DAB2: variants seen among roughly 807,000 people sequenced by gnomAD.
DAB2 encodes disabled homolog 2.
A neutral mutation model predicts 71.6 loss-of-function variants in DAB2; 28 were observed. The observed-to-expected ratio is 0.39, with a 90% CI of 0.29 to 0.54. The LOEUF (loss-of-function observed/expected upper bound fraction) is 0.54, where lower values mean the gene tolerates loss of function less well. Among genes scored for constraint, DAB2 ranks in the 20% least tolerant of loss-of-function variants. The pLI is 0.68. For missense variants in DAB2, 867 were observed against 928.8 expected (o/e 0.93, Z 0.86); for synonymous variants, 345 against 339.7 (o/e 1.02, Z -0.17).
intron 1 of DAB2, among the ~76,000 whole-genome samples, chr5:39,413,298 G>T (rs980785507): frequency 6.6e-6 from 1 of 152,112 alleles, no homozygotes; most frequent in Non-Finnish European, 1.5e-5. Context: ...TTAGATTCAA[G>T]GTTATCCCAT....
Position 39,376,147 on chromosome 5 carries a change from C to T in DAB2, c.2138-41G>A, listed in dbSNP as rs835705. On this transcript the variant is annotated intron_variant, in intron 12 of 14. Transcript: ENST00000320816. Reference sequence around the variant, plus strand: ...TCCAGGCAATCAGTAGACAAGCTTTCCCCAAATATAGGCCAGTCCCCGAGT... The same window carrying T: ...TCCAGGCAATCAGTAGACAAGCTTTTCCCAAATATAGGCCAGTCCCCGAGT... 4.1e-3 allele frequency: 6,167 copies of T among 1,499,042 alleles called. 382 individuals are homozygous for T. The East Asian group carries it at 0.12, about 29-fold the overall frequency. The allele number at this position is 1,499,042 out of a possible 1,614,324, so 92.9% of individuals were successfully genotyped here. A position where few individuals can be genotyped will look rare whatever the true frequency, so the allele number is the denominator to read the frequency against.
At chr5:39,420,607 G>C (rs565952247) in intron 1 of DAB2, among the ~76,000 whole-genome samples, 2 of 152,242 alleles carry the variant, frequency 1.3e-5, no homozygotes, top group South Asian at 4.1e-4. Flanking sequence ...AACTTGCCAG[G>C]CTGCTTCTAT....
chr5:39,418,980 C>T (rs1427358240), intron 1 of DAB2, among the ~76,000 whole-genome samples: 1 of 152,212 alleles, frequency 6.6e-6, no homozygotes, highest in Non-Finnish European at 1.5e-5. Flanking sequence ...GCTGTGGGCA[C>T]AGTCATTTGC....
chr5:39,393,173 A>G, intron 3 of DAB2, 81 bp downstream of exon 3: 2 of 1,407,730 alleles, frequency 1.4e-6, no homozygotes, highest in Non-Finnish European at 2.0e-6. Context: ...ATTGAACAAT[A>G]GGTCAACAAG....
chr5:39,396,036 G>A (rs1183347421), intron 1 of DAB2, among the ~76,000 whole-genome samples: 2 of 128,844 alleles, frequency 1.6e-5, no homozygotes, highest in African/African-American at 2.9e-5. Flanking sequence ...TCCACCTCCC[G>A]GGTTCAAGCG....
chr5:39,390,425 G>A lies in DAB2; in HGVS notation c.462+19C>T, dbSNP rs907235391. The A allele has an allele frequency of 1.9e-6, 3 of 1,612,402 alleles. No homozygotes were observed. Among genetic ancestry groups the A allele is most frequent in the Non-Finnish European group, 2.5e-6 (3 of 1,179,302 alleles). ...ACAGAGGACAAGTCCCCAGGTCTAT[G>A]TCAAGACTTAGAGCTCACCTGTTGC... On this transcript the variant is annotated intron_variant, in intron 5 of 14. Coordinates refer to ENST00000320816, the MANE Select transcript of DAB2 (RefSeq NM_001343.4).
intron 9 of DAB2, among the ~76,000 whole-genome samples, chr5:39,386,875 C>T (rs1030992661): frequency 1.3e-5 from 2 of 152,130 alleles, no homozygotes; most frequent in African/African-American, 4.8e-5. Flanking sequence ...ACAAAGTTGA[C>T]TACAAATCAA....
intron 9 of DAB2, among the ~76,000 whole-genome samples, chr5:39,385,583 G>A (rs1212026790): frequency 1.3e-5 from 2 of 152,148 alleles, no homozygotes; most frequent in Non-Finnish European, 2.9e-5. Flanking sequence ...TGTCAACACT[G>A]CCTCCAGTTG....
intron 11 of DAB2, among the ~76,000 whole-genome samples, chr5:39,379,889 C>T (rs1413147243): frequency 3.9e-5 from 6 of 152,192 alleles, no homozygotes; most frequent in Non-Finnish European, 8.8e-5. Flanking sequence ...CAGTATTCTG[C>T]AGTTGTATAC....
intron 1 of DAB2, chr5:39,408,771 A>T (rs1561378399): frequency 1.3e-5 from 2 of 152,202 alleles, no homozygotes; most frequent in Non-Finnish European, 2.9e-5. Context: ...CCTGACAACC[A>T]GCCATCTCTC....
chr5:39,405,480 C>T (rs369212238), intron 1 of DAB2, among the ~76,000 whole-genome samples: 3 of 152,208 alleles, frequency 2.0e-5, no homozygotes, highest in South Asian at 4.1e-4. Context: ...TCTGTCATTG[C>T]CTTACATTGC....
intron 3 of DAB2, among the ~76,000 whole-genome samples, 162 bp from the exon 4 acceptor site, chr5:39,392,625 G>A (rs75459462): frequency 0.072 from 10,979 of 152,246 alleles, 574 homozygotes; most frequent in Middle Eastern, 0.16. Flanking sequence ...CGGCATAGAA[G>A]ACGTTGAACC....
At position 39,383,012 on chromosome 5, in the gene DAB2, G is replaced by A. The variant is rs1379742851; in HGVS notation, c.947C>T (p.Ser316Phe). 6.2e-7 allele frequency: 1 copy of A among 1,614,136 alleles called. No individual in the cohort carries two copies. The highest frequency in any genetic ancestry group is 1.1e-5 in the South Asian group (1 of 91,078). The change falls in exon 10 of 15, where the codon TCT becomes TTT. Residue 316 changes from serine (S) to phenylalanine (F), a missense_variant. Ser to Phe is a radical substitution (Grantham distance 155). Around this residue, in one of 2 missense-constraint regions of DAB2, gnomAD observed 740 missense variants for 734.3 expected, o/e 1.01. Coordinates refer to ENST00000320816, the MANE Select transcript of DAB2 (RefSeq NM_001343.4). The stretch of plus-strand genomic sequence containing the variant: ...CGAATTCTCTTTCTTCTGATCTGGA[G>A]ATTTGAGAGAATCAAACGAAGAAGG... Reference protein sequence around the residue: ...STPSSFDSLKSPDQKKENSSS... With the variant: ...STPSSFDSLKFPDQKKENSSS...
intron 10 of DAB2, 101 bp from the exon 11 acceptor site, chr5:39,381,717 A>G: frequency 7.4e-7 from 1 of 1,350,720 alleles, no homozygotes; most frequent in Non-Finnish European, 1.0e-6. Flanking sequence ...GAGAGCCACA[A>G]AAAGGAAAAC....
At chr5:39,382,312 G>A (rs1484107918) in intron 10 of DAB2, among the ~76,000 whole-genome samples, 1 of 152,164 alleles carries the variant, frequency 6.6e-6, no homozygotes, top group Non-Finnish European at 1.5e-5. Flanking sequence ...CCCAGAACAC[G>A]ATGATCAAAC....
rs1450571489 is a variant in DAB2, at chr5:39,422,951, C to T, written c.-102+1853G>A. 2.6e-5 allele frequency among the ~76,000 whole-genome samples: 4 copies of T among 152,198 alleles called. No homozygotes were observed. The highest frequency in any genetic ancestry group is 9.6e-5 in the African/African-American group (4 of 41,452). On this transcript the variant is annotated intron_variant, in intron 1 of 14. Coordinates refer to ENST00000320816, the MANE Select transcript of DAB2 (RefSeq NM_001343.4). This position sits in a 1 kb window ranked among gnomAD's most constrained non-coding sequence, Gnocchi z 4.1. The stretch of plus-strand genomic sequence containing the variant: ...AATTAGACAAGGTTTGTAACAAGTG[C>T]TTTCTTCCCTCACTTACATCCTCAG...
intron 1 of DAB2, among the ~76,000 whole-genome samples, chr5:39,403,456 C>G (rs16868800): frequency 0.07 from 10,606 of 152,110 alleles, 563 homozygotes; most frequent in African/African-American, 0.15. Flanking sequence ...AAGAAGATAG[C>G]TTAGCAGGGT....
chr5:39,390,427 C>G lies in DAB2; in HGVS notation c.462+17G>C, dbSNP rs1244171216. The G allele has an allele frequency of 6.2e-7, 1 of 1,612,306 alleles. No individual in the cohort carries two copies. The highest frequency in any genetic ancestry group is 2.2e-5 in the East Asian group (1 of 44,850). On this transcript the variant is annotated intron_variant, in intron 5 of 14. Transcript: ENST00000320816. ...AGAGGACAAGTCCCCAGGTCTATGT[C>G]AAGACTTAGAGCTCACCTGTTGCCC...
intron 1 of DAB2, among the ~76,000 whole-genome samples, chr5:39,420,003 T>C (rs1048979233): frequency 2.0e-5 from 3 of 152,196 alleles, no homozygotes; most frequent in Admixed American, 2.0e-4. Context: ...AACCACTGAA[T>C]TATGAAAGTT....
Sources: allele counts gnomAD v4.1 joint callset (sites outside exome capture counted in the v4.1 genomes callset), GRCh38; gene constraint gnomAD v4.1.1; regional missense constraint gnomAD v4.1.1; non-coding constraint Gnocchi (gnomAD v3.1); transcripts MANE v1.5; gene names NCBI Gene and HGNC (gene_info 2026-07-23, HGNC 2026-07-21).